FHIT: variants seen among roughly 807,000 people sequenced by gnomAD.
The protein encoded by FHIT is fragile histidine triad diadenosine triphosphatase, also known as bis(5'-adenosyl)-triphosphatase.
A neutral mutation model predicts 17.9 loss-of-function variants in FHIT; 19 were observed. That is an observed-to-expected ratio of 1.06 (90% CI 0.74 to 1.56). The LOEUF is 1.56. Ranked by LOEUF, FHIT falls within the 40% of genes most tolerant of loss-of-function variation. The probability of loss-of-function intolerance (pLI) is 0.00; values close to 1 mark genes in which losing one functional copy is unlikely to be tolerated. For missense variants in FHIT, 248 were observed against 189.2 expected (o/e 1.31, Z -1.82); for synonymous variants, 81 against 69.7 (o/e 1.16, Z -0.81).
rs147738133 is a variant in FHIT, at chr3:60,410,549, T to C, written c.103+126311A>G. On this transcript the variant is annotated intron_variant, in intron 5 of 9. Transcript: ENST00000492590. ...CAAAGTATTCACAGCATTTTTTTAC[T>C]TTGAAAAGTAATTAGCATAAGCAAA... Among the ~76,000 whole-genome samples, 21 of 152,294 alleles carry C rather than the reference T, an allele frequency of 1.4e-4. No individual in the cohort carries two copies. In the East Asian group the frequency reaches 3.1e-3, roughly 22 times the overall value.
At position 60,237,262 on chromosome 3, in the gene FHIT, A is replaced by T. The variant is rs368664247; in HGVS notation, c.104-223110T>A. ...GAATATTAACAGGTTTTGTTTTTCC[A>T]TTTTTTTTTTTTTTTTTTTGGTTAA... is the stretch of plus-strand genomic sequence containing the variant. On this transcript the variant is annotated intron_variant, in intron 5 of 9. Transcript: ENST00000492590. 3.4e-3 allele frequency among the ~76,000 whole-genome samples: 425 copies of T among 124,756 alleles called. 4 individuals carry two copies. Among genetic ancestry groups the T allele is most frequent in the South Asian group, 0.018 (70 of 3,834 alleles). The allele number at this position is 124,756 out of a possible 152,430, so 81.8% of individuals were successfully genotyped here. A position where few individuals can be genotyped will look rare whatever the true frequency, so the allele number is the denominator to read the frequency against.
intron 4 of FHIT, among the ~76,000 whole-genome samples, chr3:60,613,655 C>T (rs1391655974): frequency 3.3e-5 from 5 of 151,952 alleles, no homozygotes; most frequent in African/African-American, 4.8e-5. Flanking sequence ...TTTTCTTTAA[C>T]TTCCATTTCT....
chr3:60,850,694 A>G (rs34696953), intron 3 of FHIT, among the ~76,000 whole-genome samples: 28,677 of 152,070 alleles, frequency 0.19, 2,948 homozygotes, highest in Middle Eastern at 0.28. Flanking sequence ...ACCAGGTCCA[A>G]TGAATTCCTT....
intron 5 of FHIT, among the ~76,000 whole-genome samples, chr3:60,421,483 A>G (rs1331492078): frequency 6.6e-6 from 1 of 152,182 alleles, no homozygotes; most frequent in Non-Finnish European, 1.5e-5. Flanking sequence ...TTTTCCAAAC[A>G]CTGCTAAAAA....
chr3:60,449,558 C>T (rs1420388332), intron 5 of FHIT, among the ~76,000 whole-genome samples: 1 of 152,010 alleles, frequency 6.6e-6, no homozygotes, highest in African/African-American at 2.4e-5. Flanking sequence ...CTAGATGGTG[C>T]AGCCTACTAC....
intron 8 of FHIT, among the ~76,000 whole-genome samples, chr3:59,868,236 T>C (rs1702749983): frequency 1.3e-5 from 2 of 152,058 alleles, no homozygotes; most frequent in South Asian, 4.2e-4. Flanking sequence ...TACAAACACA[T>C]TTTATGGATC....
chr3:61,176,655 C>G (rs11715419), intron 2 of FHIT, among the ~76,000 whole-genome samples: 3 of 152,212 alleles, frequency 2.0e-5, no homozygotes, highest in African/African-American at 7.2e-5. Flanking sequence ...AACTAAACGT[C>G]TTCTCCAGCT....
chr3:60,441,051 C>T (rs1447776813), intron 5 of FHIT, among the ~76,000 whole-genome samples: 2 of 151,972 alleles, frequency 1.3e-5, no homozygotes, highest in East Asian at 1.9e-4. Flanking sequence ...TTTGTTTTTG[C>T]TTTTGTTCTT....
chr3:60,928,087 A>G (rs1456315834), intron 3 of FHIT, among the ~76,000 whole-genome samples: 2 of 152,150 alleles, frequency 1.3e-5, no homozygotes, highest in African/African-American at 4.8e-5. Context: ...GATGTGCTTT[A>G]TTAAACAGAT....
chr3:60,786,288 GA>G (rs1700572077), intron 4 of FHIT, among the ~76,000 whole-genome samples: 1 of 151,656 alleles, frequency 6.6e-6, no homozygotes, highest in South Asian at 2.1e-4. Flanking sequence ...AAGAAACTAA[GA>G]AAAAAGGCCA....
At chr3:61,053,181 A>T (rs2034089193) in intron 2 of FHIT, among the ~76,000 whole-genome samples, 1 of 152,158 alleles carries the variant, frequency 6.6e-6, no homozygotes, top group African/African-American at 2.4e-5. Flanking sequence ...AAACTAAAAA[A>T]TGTACTTAAG....
chr3:60,966,179 G>C (rs536013037), intron 3 of FHIT, among the ~76,000 whole-genome samples: 40 of 152,262 alleles, frequency 2.6e-4, no homozygotes, highest in African/African-American at 9.6e-4. Flanking sequence ...CTTGTGGTTC[G>C]AACTCAGACT....
In FHIT at chr3:60,672,777, TCTTC is replaced by T. The variant is rs1382251438; in HGVS notation, c.-17-135802_-17-135799del. 4.0e-5 allele frequency among the ~76,000 whole-genome samples: 6 copies of T among 150,634 alleles called. No individual in the cohort carries two copies. In the South Asian group the frequency reaches 8.5e-4, roughly 21 times the overall value. On this transcript the variant is annotated intron_variant, in intron 4 of 9. Transcript: ENST00000492590. ...TTTATGCCATCTTTTTTTGTTTCCTTCTTCCTTCTTTCTTGCCTTCTTTCTGTTA... is the reference window on the plus strand; with the variant it reads ...TTTATGCCATCTTTTTTTGTTTCCTTCTTCTTTCTTGCCTTCTTTCTGTTA...
intron 1 of FHIT, among the ~76,000 whole-genome samples, chr3:61,212,605 C>T (rs2039520308): frequency 1.3e-5 from 2 of 152,162 alleles, no homozygotes; most frequent in South Asian, 4.1e-4. Context: ...AGAACTTCCC[C>T]AATCTAGCAA....
chr3:60,935,763 G>A (rs1708166168), intron 3 of FHIT, among the ~76,000 whole-genome samples: 1 of 152,190 alleles, frequency 6.6e-6, no homozygotes, highest in South Asian at 2.1e-4. Flanking sequence ...TAGGAAATAT[G>A]TACAGAGAAT....
At chr3:60,107,938 T>C (rs76831609) in intron 5 of FHIT, among the ~76,000 whole-genome samples, 1 of 152,212 alleles carries the variant, frequency 6.6e-6, no homozygotes, top group Non-Finnish European at 1.5e-5. Flanking sequence ...TGACCAGATT[T>C]AATCATTTAA....
chr3:59,998,468 G>A (rs1699603340), intron 7 of FHIT, among the ~76,000 whole-genome samples: 1 of 152,128 alleles, frequency 6.6e-6, no homozygotes, highest in Non-Finnish European at 1.5e-5. Context: ...CACTTCCACT[G>A]AAAAGAGGGA....
At chr3:59,847,857 G>C (rs541461081) in intron 8 of FHIT, among the ~76,000 whole-genome samples, 1 of 152,224 alleles carries the variant, frequency 6.6e-6, no homozygotes, top group Admixed American at 6.5e-5. Flanking sequence ...ATGCACAGTA[G>C]CTATCTAAAG....
chr3:61,080,951 A>C (rs2035118498), intron 2 of FHIT, among the ~76,000 whole-genome samples: 1 of 152,202 alleles, frequency 6.6e-6, no homozygotes, highest in Non-Finnish European at 1.5e-5. Flanking sequence ...CGGAAGAGGC[A>C]GATACCCAAA....
Sources: gnomAD v4.1 joint callset for allele counts (sites outside exome capture counted in the v4.1 genomes callset) on GRCh38, gnomAD v4.1.1 for gene constraint, MANE v1.5 for transcripts, NCBI Gene and HGNC (gene_info 2026-07-23, HGNC 2026-07-21) for gene names.